Variants in NLGN1 observed in about 807,000 individuals in gnomAD.
The protein encoded by NLGN1 is neuroligin-1.
NLGN1 carries 12 observed loss-of-function variants against 65.5 expected under a neutral mutation model. The ratio of observed to expected loss-of-function variants is 0.18; its 90% CI spans 0.12 to 0.30. The LOEUF is 0.30. Ranked by LOEUF, NLGN1 falls within the 10% of genes least tolerant of loss-of-function variation. The pLI is 1.00. For missense variants in NLGN1, 750 were observed against 1,007.1 expected (o/e 0.74, Z 3.46); for synonymous variants, 350 against 359.5 (o/e 0.97, Z 0.30).
intron 3 of NLGN1, among the ~76,000 whole-genome samples, chr3:173,767,721 G>T (rs970112278): frequency 6.6e-6 from 1 of 151,900 alleles, no homozygotes; most frequent in Admixed American, 6.6e-5. Context: ...TCAATTTGAA[G>T]AAATCTTAGT....
At chr3:173,961,014 T>C (rs887940676) in intron 4 of NLGN1, among the ~76,000 whole-genome samples, 8 of 152,156 alleles carry the variant, frequency 5.3e-5, no homozygotes, top group Non-Finnish European at 8.8e-5. Flanking sequence ...TTTTTGCATT[T>C]AATTTTCTTG....
intron 4 of NLGN1, among the ~76,000 whole-genome samples, chr3:174,152,090 G>A (rs1724472315): frequency 6.6e-6 from 1 of 152,058 alleles, no homozygotes; most frequent in Non-Finnish European, 1.5e-5. Context: ...GAACAAGTCT[G>A]ATATTTGTCT....
At chr3:173,541,334 TAAC>T (rs1273659421) in intron 2 of NLGN1, among the ~76,000 whole-genome samples, 1 of 152,148 alleles carries the variant, frequency 6.6e-6, no homozygotes, top group Non-Finnish European at 1.5e-5. Flanking sequence ...ATTGTAATAA[TAAC>T]ATTTATTAGA....
rs529690006 is a variant in NLGN1, at chr3:173,879,529, T to C, written c.646+71697T>C. Among the ~76,000 whole-genome samples, 559 of 152,302 alleles carry C rather than the reference T, an allele frequency of 3.7e-3. 2 individuals carry two copies. Among genetic ancestry groups the C allele is most frequent in the Non-Finnish European group, 5.8e-3 (397 of 68,016 alleles). On this transcript the variant is annotated intron_variant, in intron 4 of 6. Coordinates refer to ENST00000457714, the Ensembl canonical transcript of NLGN1. ...TTCCTCACATCCTTGAGCATAGTTA[T>C]AATAGCTGTTTAAAATCCTTGTCTA...
chr3:173,765,768 T>A (rs1046374476), intron 3 of NLGN1, among the ~76,000 whole-genome samples: 1 of 152,194 alleles, frequency 6.6e-6, no homozygotes, highest in African/African-American at 2.4e-5. Flanking sequence ...TCTCACACTT[T>A]TATTGCAGGC....
At chr3:174,265,450 C>A (rs926082298) in intron 4 of NLGN1, among the ~76,000 whole-genome samples, 1 of 152,074 alleles carries the variant, frequency 6.6e-6, no homozygotes, top group Non-Finnish European at 1.5e-5. Context: ...TTTCCAGGTG[C>A]GTCCGTCACC....
chr3:174,021,962 T>C (rs568316359), intron 4 of NLGN1, among the ~76,000 whole-genome samples: 1 of 152,256 alleles, frequency 6.6e-6, no homozygotes, highest in South Asian at 2.1e-4. Context: ...AGTGAGATTC[T>C]TGACCCAAGT....
chr3:174,140,507 T>G (rs1198166673), intron 4 of NLGN1, among the ~76,000 whole-genome samples: 3 of 152,164 alleles, frequency 2.0e-5, no homozygotes, highest in Non-Finnish European at 4.4e-5. Flanking sequence ...AATATTATTT[T>G]CATCCCCATT....
intron 3 of NLGN1, among the ~76,000 whole-genome samples, chr3:173,742,257 G>A (rs1205653838): frequency 1.3e-5 from 2 of 152,110 alleles, no homozygotes; most frequent in Non-Finnish European, 2.9e-5. Context: ...CACTGGGGAA[G>A]AAGAGAGAGG....
Position 173,730,961 on chromosome 3 carries a change from G to A in NLGN1, c.494-76719G>A, listed in dbSNP as rs114108921. ...AAGCAAACGTATCAATCTGGGCAAG[G>A]CTTCAAAGAGGCCATGATATGTGCC... On this transcript the variant is annotated intron_variant, in intron 3 of 6. Transcript: ENST00000457714. Among the ~76,000 whole-genome samples the A allele has an allele frequency of 2.3e-3, 353 of 152,100 alleles. 3 individuals carry two copies. Among genetic ancestry groups the A allele is most frequent in the African/African-American group, 8.2e-3 (340 of 41,520 alleles).
At chr3:174,287,326 C>T (rs1032288032), downstream of NLGN1, among the ~76,000 whole-genome samples, 6 of 150,880 alleles carry the variant, frequency 4.0e-5, no homozygotes, top group Admixed American at 3.3e-4. Flanking sequence ...TCATACATAG[C>T]CTAAAGATAA....
chr3:173,820,753 T>A (rs1383723667), intron 4 of NLGN1, among the ~76,000 whole-genome samples: 1 of 152,166 alleles, frequency 6.6e-6, no homozygotes, highest in Non-Finnish European at 1.5e-5. Flanking sequence ...TGACCAGAGG[T>A]AACCGGAGAG....
rs531009393 is a variant in NLGN1 at position 174,253,731 on chromosome 3, T to C, written c.647-21584T>C. On this transcript the variant is annotated intron_variant, in intron 4 of 6. Transcript: ENST00000457714. ...GGGAGATTCAGATCACTGCCTCTTC[T>C]AAATTGACCTTCTACTTGTTTTAAT... 2.6e-5 allele frequency among the ~76,000 whole-genome samples: 4 copies of C among 152,290 alleles called. No individual in the cohort carries two copies. In the East Asian group the frequency reaches 7.8e-4, roughly 30 times the overall value.
chr3:174,239,687 T>C (rs1742433143), intron 4 of NLGN1, among the ~76,000 whole-genome samples: 1 of 152,162 alleles, frequency 6.6e-6, no homozygotes, highest in Non-Finnish European at 1.5e-5. Flanking sequence ...GTCGATATAA[T>C]TGTAAATGCT....
At chr3:174,117,875 T>A (rs1053099899) in intron 4 of NLGN1, among the ~76,000 whole-genome samples, 2 of 152,216 alleles carry the variant, frequency 1.3e-5, no homozygotes, top group Non-Finnish European at 2.9e-5. Context: ...AAATGCCCTT[T>A]ATTTAACATA....
intron 4 of NLGN1, among the ~76,000 whole-genome samples, chr3:174,165,930 G>T (rs1293143966): frequency 6.6e-6 from 1 of 151,964 alleles, no homozygotes; most frequent in Non-Finnish European, 1.5e-5. Flanking sequence ...GTGGGAGATG[G>T]TGTGTTTTCA....
At chr3:173,657,119 G>A (rs558277819) in intron 3 of NLGN1, among the ~76,000 whole-genome samples, 4 of 151,966 alleles carry the variant, frequency 2.6e-5, no homozygotes, top group Non-Finnish European at 5.9e-5. Flanking sequence ...AGGTTGTTAG[G>A]CATAGAACTT....
intron 2 of NLGN1, among the ~76,000 whole-genome samples, chr3:173,455,760 G>A (rs950830631): frequency 4.0e-5 from 6 of 151,866 alleles, no homozygotes; most frequent in South Asian, 2.1e-4. Flanking sequence ...ATGTGTGTGT[G>A]TATATATATA....
intron 4 of NLGN1, among the ~76,000 whole-genome samples, chr3:174,248,075 C>T (rs1744121979): frequency 6.6e-6 from 1 of 152,184 alleles, no homozygotes; most frequent in Non-Finnish European, 1.5e-5. Flanking sequence ...TGATAGGCAC[C>T]AGATTTCTAG....
Sources: allele counts gnomAD v4.1 joint callset (sites outside exome capture counted in the v4.1 genomes callset), GRCh38; gene constraint gnomAD v4.1.1; transcripts MANE v1.5; gene names NCBI Gene and HGNC (gene_info 2026-07-23, HGNC 2026-07-21).